The following CABIN1 variants were observed in gnomAD, a reference collection of about 807,000 sequenced individuals.
CABIN1 encodes the protein calcineurin binding protein 1, also known as calcineurin-binding protein cabin-1.
A neutral mutation model predicts 227.7 loss-of-function variants in CABIN1; 133 were observed. The ratio of observed to expected loss-of-function variants is 0.58; its 90% CI spans 0.51 to 0.67. CABIN1 has a LOEUF of 0.67. Ranked by LOEUF, CABIN1 falls within the 30% of genes least tolerant of loss-of-function variation. CABIN1 has a pLI of 0.00. For missense variants in CABIN1, 2,408 were observed against 2,852.5 expected (o/e 0.84, Z 3.55); for synonymous variants, 1,086 against 1,155.1 (o/e 0.94, Z 1.21).
chr22:24,074,016 A>G (rs1363010829), intron 18 of CABIN1, among the ~76,000 whole-genome samples: 1 of 3,444 alleles, frequency 2.9e-4, no homozygotes, highest in Non-Finnish European at 5.0e-4. Context: ...GCTTGTACCC[A>G]ATTTTTTTTT....
At chr22:24,125,550 C>T (rs1201336932) in intron 28 of CABIN1, among the ~76,000 whole-genome samples, 1 of 152,174 alleles carries the variant, frequency 6.6e-6, no homozygotes, top group Admixed American at 6.5e-5. Flanking sequence ...GGCAAGTGTT[C>T]GGGGGGAGCT....
intron 23 of CABIN1, among the ~76,000 whole-genome samples, chr22:24,089,870 C>A (rs774010465): frequency 5.3e-5 from 8 of 152,216 alleles, no homozygotes; most frequent in Non-Finnish European, 1.2e-4. Flanking sequence ...AGCTGTATGA[C>A]CTGGAAGCAG....
At chr22:24,114,625 G>GGGAT (rs1569235738) in intron 27 of CABIN1, among the ~76,000 whole-genome samples, 2 of 152,300 alleles carry the variant, frequency 1.3e-5, no homozygotes, top group South Asian at 2.1e-4. Flanking sequence ...CTCTCCGGGT[G>GGGAT]GGATGGATGG....
intron 27 of CABIN1, among the ~76,000 whole-genome samples, chr22:24,116,903 C>T (rs892310212): frequency 6.6e-6 from 1 of 152,240 alleles, no homozygotes; most frequent in Non-Finnish European, 1.5e-5. Context: ...GTCTTCCCTG[C>T]CTGCGGCAGG....
chr22:24,088,040 A>G (rs1019063248), intron 23 of CABIN1, among the ~76,000 whole-genome samples: 5 of 152,198 alleles, frequency 3.3e-5, no homozygotes, highest in African/African-American at 7.2e-5. Context: ...TGTTCCCTCA[A>G]AGGAGCTTGT....
At chr22:24,075,062 G>A (rs187958245) in intron 18 of CABIN1, among the ~76,000 whole-genome samples, 1 of 152,142 alleles carries the variant, frequency 6.6e-6, no homozygotes, top group African/African-American at 2.4e-5. Flanking sequence ...AAATTAGCCA[G>A]GTGTGGTGGT....
rs184909912 is a variant in CABIN1, at chr22:24,034,315, G to A, written c.-74-1129G>A. 1.4e-3 allele frequency among the ~76,000 whole-genome samples: 215 copies of A among 152,310 alleles called. 1 individual carries two copies. The highest frequency in any genetic ancestry group is 4.9e-3 in the African/African-American group (202 of 41,564). On this transcript the variant is annotated intron_variant, in intron 1 of 36. Transcript: ENST00000263119. Reference sequence around the variant, plus strand: ...AACTATTTTCTATCTCTATAGATTTGCATATTCTGGACATTTCATATAATT... The same window carrying A: ...AACTATTTTCTATCTCTATAGATTTACATATTCTGGACATTTCATATAATT...
chr22:24,132,036 T>G (rs953177690), intron 28 of CABIN1, among the ~76,000 whole-genome samples: 3 of 146,658 alleles, frequency 2.0e-5, no homozygotes, highest in Non-Finnish European at 3.0e-5. Context: ...TACTCCACCC[T>G]GGGTTACGGA....
At chr22:24,173,338 G>T (rs1191590468) in intron 34 of CABIN1, 1 of 152,196 alleles carries the variant, frequency 6.6e-6, no homozygotes, top group Non-Finnish European at 1.5e-5. Context: ...GGCTCAAGCA[G>T]CAAGCAGGTG....
chr22:24,018,285 T>C (rs891139959), intron 1 of CABIN1, among the ~76,000 whole-genome samples: 1 of 151,698 alleles, frequency 6.6e-6, no homozygotes, highest in Non-Finnish European at 1.5e-5. Flanking sequence ...TTTTTTTTTG[T>C]CATGCAAAAA....
At chr22:24,042,087 G>T (rs2037422961) in intron 5 of CABIN1, among the ~76,000 whole-genome samples, 1 of 152,154 alleles carries the variant, frequency 6.6e-6, no homozygotes, top group Admixed American at 6.5e-5. Context: ...AAGTAGCTGG[G>T]ACTATAGGCA....
chr22:24,027,382 C>T (rs1036995178), intron 1 of CABIN1, among the ~76,000 whole-genome samples: 8 of 152,158 alleles, frequency 5.3e-5, no homozygotes, highest in Non-Finnish European at 8.8e-5. Flanking sequence ...CTTGCCTTAA[C>T]GTAGTAGCTA....
intron 29 of CABIN1, among the ~76,000 whole-genome samples, chr22:24,142,514 C>G (rs6004069): frequency 2.6e-5 from 4 of 152,282 alleles, no homozygotes; most frequent in African/African-American, 7.2e-5. Flanking sequence ...CCAGACCTGA[C>G]ATCACCTCCC....
chr22:24,027,060 C>T (rs1016520550), intron 1 of CABIN1, among the ~76,000 whole-genome samples: 1 of 152,182 alleles, frequency 6.6e-6, no homozygotes, highest in African/African-American at 2.4e-5. Context: ...TGAGTTATTT[C>T]ACCACTGTTT....
At position 24,030,306 on chromosome 22, in the gene CABIN1, C is replaced by T. The variant is rs142317651; in HGVS notation, c.-74-5138C>T. Among the ~76,000 whole-genome samples the T allele has an allele frequency of 1.1e-3, 170 of 152,240 alleles. 1 individual carries two copies. The highest frequency in any genetic ancestry group is 3.9e-3 in the African/African-American group (160 of 41,554). ...TTGCTGTGCTAGAAAGAGTACTGGG[C>T]TTTGAGTCCTATTTTTGTCTCTTTT... is the stretch of plus-strand genomic sequence containing the variant. On this transcript the variant is annotated intron_variant, in intron 1 of 36. Coordinates refer to ENST00000263119, the MANE Select transcript of CABIN1 (RefSeq NM_012295.4).
intron 1 of CABIN1, among the ~76,000 whole-genome samples, chr22:24,029,414 TG>T (rs923780858): frequency 3.9e-5 from 6 of 152,286 alleles, no homozygotes; most frequent in Admixed American, 1.3e-4. Context: ...TAGCCAGGCA[TG>T]GTGCCATGCA....
At chr22:24,054,570 A>T (rs929132264) in intron 8 of CABIN1, among the ~76,000 whole-genome samples, 1 of 152,214 alleles carries the variant, frequency 6.6e-6, no homozygotes, top group Non-Finnish European at 1.5e-5. Context: ...GATTTCATAC[A>T]TACCTACTTG....
intron 25 of CABIN1, 96 bp downstream of exon 25, chr22:24,096,178 C>A: frequency 7.4e-7 from 1 of 1,347,234 alleles, no homozygotes; most frequent in Non-Finnish European, 1.1e-6. Context: ...GGTTGCTACA[C>A]AGTAAACAGT....
intron 19 of CABIN1, among the ~76,000 whole-genome samples, chr22:24,078,444 A>G (rs1246011015): frequency 6.6e-6 from 1 of 152,232 alleles, no homozygotes; most frequent in Non-Finnish European, 1.5e-5. Flanking sequence ...CCCCAGGCTC[A>G]TGGTCTGCAG....
Sources: gnomAD v4.1 joint callset for allele counts (sites outside exome capture counted in the v4.1 genomes callset) on GRCh38, gnomAD v4.1.1 for gene constraint, MANE v1.5 for transcripts, NCBI Gene and HGNC (gene_info 2026-07-23, HGNC 2026-07-21) for gene names.